Variants in PNMA6E observed in about 807,000 individuals in gnomAD.
PNMA6E encodes the protein paraneoplastic antigen Ma6E.
For synonymous variants in PNMA6E, 43 were observed against 17.1 expected, an observed-to-expected ratio of 2.52 and a Z score of -3.74; for missense variants, 78 against 50.8, an observed-to-expected ratio of 1.53 and a Z score of -1.63.
chrX:153,413,367 C>A, the PNMA6E span, among the ~76,000 whole-genome samples: 1 of 106,178 alleles, frequency 9.4e-6, no homozygotes, highest in Non-Finnish European at 1.9e-5. Flanking sequence ...TGGCCCTGCT[C>A]TCATCCCCTT....
intron 1 of PNMA6E, among the ~76,000 whole-genome samples, chrX:153,399,212 CAAT>C (rs1402928946): frequency 8.9e-6 from 1 of 111,940 alleles, no homozygotes. Flanking sequence ...AACTTGTTCA[CAAT>C]ATTCCCTCTT....
rs987970092 is a variant in PNMA6E, at chrX:153,396,963, G to A, written c.1887C>T (p.Asn629=). 4.4e-5 allele frequency: 13 copies of A among 296,498 alleles called. No individual in the cohort carries two copies. In the South Asian group the frequency reaches 6.1e-4, roughly 14 times the overall value. The allele number at this position is 296,498 out of a possible 1,213,427, so 24.4% of individuals were successfully genotyped here. ...GLQTILEEPE[N]EDEDGAGDEG... Reference sequence around the variant, plus strand: ...CGTCCCCGGCCCCATCCTCATCCTCGTTTTCCGGCTCCTCCAAGATGGTCT... The same window carrying A: ...CGTCCCCGGCCCCATCCTCATCCTCATTTTCCGGCTCCTCCAAGATGGTCT... Residue 629 remains asparagine (N), a synonymous_variant, in exon 2 of 2, where the codon AAC becomes AAT. Transcript: ENST00000445091.
the PNMA6E span, among the ~76,000 whole-genome samples, chrX:153,412,712 G>A: frequency 8.9e-6 from 1 of 111,765 alleles, no homozygotes; most frequent in Admixed American, 9.4e-5. Flanking sequence ...GCAAGAGTGT[G>A]GCAGGAGCAG....
upstream of PNMA6E, among the ~76,000 whole-genome samples, chrX:153,406,219 G>A (rs1385839723): frequency 8.9e-6 from 1 of 112,322 alleles, no homozygotes; most frequent in African/African-American, 3.2e-5. Flanking sequence ...CGGGAGATTC[G>A]ACGGCATCGG....
In PNMA6E at chrX:153,397,960, A is replaced by G. The variant is rs1156369156; in HGVS notation, c.890T>C (p.Val297Ala). 2 of 416,986 alleles carry G rather than the reference A, an allele frequency of 4.8e-6. No homozygotes were observed. Among genetic ancestry groups the G allele is most frequent in the Non-Finnish European group, 8.3e-6 (2 of 241,737 alleles). 34.4% of individuals were successfully genotyped at this position (416,986 alleles called of 1,213,427 possible). ...CCAAGGCTGGACCCAGGCTTTTGTT[A>G]CATTTGTCCCTCCTGCTTCACCCAC... Reference protein sequence around the residue: ...GAVGEAGGTNVTKAWVQPWRC... With the variant: ...GAVGEAGGTNATKAWVQPWRC... Residue 297 changes from valine to alanine, a missense_variant, in exon 2 of 2, where the codon GTA becomes GCA. Coordinates refer to ENST00000445091, the MANE Select transcript of PNMA6E (RefSeq NM_001367770.1).
At chrX:153,406,209 C>T (rs1347099349), upstream of PNMA6E, among the ~76,000 whole-genome samples, 1 of 112,360 alleles carries the variant, frequency 8.9e-6, no homozygotes, top group Non-Finnish European at 1.9e-5. Flanking sequence ...TTTAAAGCAG[C>T]GGGAGATTCG....
upstream of PNMA6E, among the ~76,000 whole-genome samples, chrX:153,402,684 G>A (rs782412159): frequency 7.1e-5 from 8 of 112,015 alleles, no homozygotes; most frequent in East Asian, 1.7e-3. Flanking sequence ...CCTTAAGATC[G>A]AAAGTCTTTC....
upstream of PNMA6E, among the ~76,000 whole-genome samples, chrX:153,404,415 G>A (rs1260773216): frequency 1.8e-5 from 2 of 111,568 alleles, no homozygotes; most frequent in Non-Finnish European, 3.8e-5. Flanking sequence ...CCTAGACACT[G>A]TCCATAATGA....
chrX:153,408,873 G>A, the PNMA6E span, among the ~76,000 whole-genome samples: 1 of 112,735 alleles, frequency 8.9e-6, no homozygotes, highest in Non-Finnish European at 1.9e-5. Flanking sequence ...TGACCCCTGG[G>A]AGAGGTGCCG....
upstream of PNMA6E, among the ~76,000 whole-genome samples, chrX:153,402,628 T>C (rs907702736): frequency 1.2e-4 from 14 of 112,588 alleles, no homozygotes; most frequent in African/African-American, 4.5e-4. Flanking sequence ...TTTACCCACA[T>C]ATTTTGTTAT....
chrX:153,409,134 C>T, the PNMA6E span, among the ~76,000 whole-genome samples: 1 of 113,143 alleles, frequency 8.8e-6, no homozygotes, highest in Non-Finnish European at 1.9e-5. Context: ...CTCCCCTGCC[C>T]CCCGGCTACC....
At chrX:153,410,320 T>G in the PNMA6E span, among the ~76,000 whole-genome samples, 19 of 111,789 alleles carry the variant, frequency 1.7e-4, no homozygotes, top group East Asian at 5.7e-4. Context: ...CTGATCACAG[T>G]GCCTGGGTGT....
the PNMA6E span, among the ~76,000 whole-genome samples, chrX:153,409,237 G>A: frequency 1.8e-5 from 2 of 113,456 alleles, no homozygotes; most frequent in Non-Finnish European, 3.7e-5. Context: ...GAGAGGGCTA[G>A]GTGTGGTGGG....
upstream of PNMA6E, chrX:153,403,945 A>G: frequency 9.5e-6 from 1 of 104,759 alleles, no homozygotes; most frequent in Non-Finnish European, 2.0e-5. Flanking sequence ...CTCTGCCTCA[A>G]AATAAATAAA....
At position 153,396,648 on chromosome X, in the gene PNMA6E, G is replaced by A. The variant is rs368709400; in HGVS notation, c.*258C>T. 2.1e-4 allele frequency: 44 copies of A among 210,993 alleles called. No individual in the cohort carries two copies. Among genetic ancestry groups the A allele is most frequent in the African/African-American group, 7.2e-4 (25 of 34,681 alleles). The allele number at this position is 210,993 out of a possible 1,213,427, so 17.4% of individuals were successfully genotyped here. ...AGGGCTCCCTCCAGGCCAGCCCCCC[G>A]TGGCGGCAGGGTTTGGGGCTGGGGC... On this transcript the variant is annotated 3_prime_UTR_variant, in exon 2 of 2. Transcript: ENST00000445091.
rs781932218 is a variant in PNMA6E at position 153,397,118 on chromosome X, G to A, written c.1732C>T (p.Pro578Ser). The A allele has an allele frequency of 1.2e-4, 37 of 296,804 alleles. No homozygotes were observed. The highest frequency in any genetic ancestry group is 9.5e-4 in the African/African-American group (35 of 36,777). The allele number at this position is 296,804 out of a possible 1,213,427, so 24.5% of individuals were successfully genotyped here. The change falls in exon 2 of 2, where the codon CCC becomes TCC. Residue 578 changes from proline to serine, a missense_variant. Physicochemically the swap from Pro to Ser is moderately conservative, Grantham distance 74. Coordinates refer to ENST00000445091, the MANE Select transcript of PNMA6E (RefSeq NM_001367770.1). ...GLGQARPIEV[P>S]WGSSPARMSS... is the part of the protein sequence containing the mutation. ...ATCCGGGCTGGGGAGGAGCCCCAGG[G>A]GACCTCTATGGGCCTTGCCTGACCT...
the PNMA6E span, among the ~76,000 whole-genome samples, chrX:153,408,944 A>C: frequency 3.6e-5 from 4 of 111,815 alleles, no homozygotes; most frequent in African/African-American, 1.3e-4. Flanking sequence ...GCCTTCCCCA[A>C]CTTGCTCACT....
the PNMA6E span, among the ~76,000 whole-genome samples, chrX:153,412,955 T>C: frequency 4.5e-5 from 5 of 111,742 alleles, no homozygotes; most frequent in African/African-American, 1.6e-4. Flanking sequence ...CTCAGAGGAC[T>C]TTTTCAGGCT....
At chrX:153,402,484 C>A (rs1290974964), upstream of PNMA6E, among the ~76,000 whole-genome samples, 2 of 111,233 alleles carry the variant, frequency 1.8e-5, no homozygotes, top group Non-Finnish European at 3.8e-5. Flanking sequence ...CCCCTGCACC[C>A]CGTCCTTTAT....
Sources: allele counts gnomAD v4.1 joint callset (sites outside exome capture counted in the v4.1 genomes callset), GRCh38; gene constraint gnomAD v4.1.1; transcripts MANE v1.5; gene names NCBI Gene and HGNC (gene_info 2026-07-23, HGNC 2026-07-21).